Variants in EFCAB8 observed in about 807,000 individuals in gnomAD.
EFCAB8 encodes the protein EF-hand calcium binding domain 8, also known as EF-hand calcium-binding domain-containing protein 8.
Under a neutral mutation model 116.3 loss-of-function variants are expected in EFCAB8, and 100 were observed. That is an observed-to-expected ratio of 0.86 (90% CI 0.73 to 1.02). The LOEUF is 1.02. Ranked by LOEUF, EFCAB8 falls within the 50% of genes least tolerant of loss-of-function variation. EFCAB8 has a pLI of 0.00. For synonymous variants in EFCAB8, 558 were observed against 567.9 expected, an observed-to-expected ratio of 0.98 and a Z score of 0.25; for missense variants, 1,320 against 1,416.9, an observed-to-expected ratio of 0.93 and a Z score of 1.10.
intron 23 of EFCAB8, among the ~76,000 whole-genome samples, chr20:32,948,570 AAGAAAGAAAG>A (rs1555871352): frequency 1.3e-5 from 2 of 149,668 alleles, no homozygotes; most frequent in Admixed American, 1.3e-4. Flanking sequence ...GAAAGAAAGA[AAGAAAGAAAG>A]AAAAGAAAGG....
In EFCAB8 at chr20:32,931,326, A is replaced by G; in HGVS notation, c.2780A>G (p.Glu927Gly). 6.5e-7 allele frequency: 1 copy of G among 1,543,716 alleles called. No homozygotes were observed. Among genetic ancestry groups the G allele is most frequent in the Non-Finnish European group, 8.7e-7 (1 of 1,143,352 alleles). Residue 927 changes from glutamate to glycine, a missense_variant, in exon 22 of 27, where the codon GAG (glutamate) becomes GGG (glycine). Coordinates refer to ENST00000400522, the MANE Select transcript of EFCAB8 (RefSeq NM_001143967.2). Reference sequence around the variant, plus strand: ...AACTTCCCACACTACATTCCCTTGGAGGATAAAGAGGTAGGAGGATTACTG... The same window carrying G: ...AACTTCCCACACTACATTCCCTTGGGGGATAAAGAGGTAGGAGGATTACTG... ...GTNFPHYIPLEDKEVVAGHTI... is the reference protein window; with the variant it reads ...GTNFPHYIPLGDKEVVAGHTI...
chr20:32,921,070 C>T (rs1182739530), intron 20 of EFCAB8, among the ~76,000 whole-genome samples: 1 of 152,176 alleles, frequency 6.6e-6, no homozygotes, highest in African/African-American at 2.4e-5. Context: ...CTGGCCTGCC[C>T]CATCACCCAG....
intron 11 of EFCAB8, among the ~76,000 whole-genome samples, chr20:32,904,473 T>G (rs561901853): frequency 1.3e-5 from 2 of 149,070 alleles, no homozygotes; most frequent in African/African-American, 5.0e-5. Context: ...TAATTTTTGT[T>G]TTTTTTGTAC....
Position 32,931,235 on chromosome 20 carries a change from G to A in EFCAB8, c.2689G>A (p.Gly897Arg), listed in dbSNP as rs1428303667. 3 of 1,550,990 alleles carry A rather than the reference G, an allele frequency of 1.9e-6. No individual in the cohort carries two copies. Among genetic ancestry groups the A allele is most frequent in the Non-Finnish European group, 2.6e-6 (3 of 1,146,816 alleles). The part of the protein sequence containing the change: ...LIDKQPFQSS[G>R]AKVVSEAHNK... ...TGATAAACAGCCATTCCAATCCAGT[G>A]GGGCCAAGGTTGTCTCTGAAGCACA... Residue 897 changes from glycine (G) to arginine (R), a missense_variant, in exon 22 of 27, where the codon GGG becomes AGG. By Grantham distance (125) the Gly-to-Arg change is moderately radical. Coordinates refer to ENST00000400522, the MANE Select transcript of EFCAB8 (RefSeq NM_001143967.2).
intron 23 of EFCAB8, among the ~76,000 whole-genome samples, chr20:32,951,276 G>T (rs1403262098): frequency 6.6e-6 from 1 of 152,132 alleles, no homozygotes; most frequent in African/African-American, 2.4e-5. Flanking sequence ...AACTAGAAAC[G>T]ATTCAAATGT....
intron 26 of EFCAB8, 113 bp from the exon 27 acceptor site, chr20:32,961,020 CCTT>C: frequency 9.2e-6 from 8 of 872,342 alleles, no homozygotes; most frequent in East Asian, 2.6e-5. Context: ...TGGACACACG[CCTT>C]CTTGGCATGG....
In EFCAB8 at chr20:32,918,353, T is replaced by A. The variant is rs970862698; in HGVS notation, c.2062-9T>A. 4 of 1,551,592 alleles carry A rather than the reference T, an allele frequency of 2.6e-6. No homozygotes were observed. The highest frequency in any genetic ancestry group is 3.5e-6 in the Non-Finnish European group (4 of 1,146,984). On this transcript the variant is annotated splice_polypyrimidine_tract_variant and intron_variant, in intron 18 of 26. Coordinates refer to ENST00000400522, the MANE Select transcript of EFCAB8 (RefSeq NM_001143967.2). ...CAGTGCCTTAGGGGCTGCTTTCTTC[T>A]TGGTACAGGTGCAAGATGTGAACAA...
chr20:32,867,965 T>C (rs1392702992), intron 3 of EFCAB8, among the ~76,000 whole-genome samples: 1 of 151,980 alleles, frequency 6.6e-6, no homozygotes, highest in East Asian at 1.9e-4. Context: ...GCCCCCAGAG[T>C]AGCTGGGACT....
intron 26 of EFCAB8, among the ~76,000 whole-genome samples, chr20:32,960,789 G>A (rs1241017523): frequency 5.3e-5 from 8 of 152,328 alleles, no homozygotes; most frequent in Non-Finnish European, 1.5e-5. Context: ...GCTGGGGAGA[G>A]GCTGGTGTGA....
Position 32,955,035 on chromosome 20 carries a change from A to G in EFCAB8, c.2960-3386A>G, listed in dbSNP as rs150362702. On this transcript the variant is annotated intron_variant, in intron 23 of 26. Coordinates refer to ENST00000400522, the MANE Select transcript of EFCAB8 (RefSeq NM_001143967.2). ...ATCCTCCCCATGAGTAGAGTGGCCA[A>G]TGGGAATTCAAAATACCATTTTACT... is the stretch of plus-strand genomic sequence containing the variant. 5.5e-4 allele frequency among the ~76,000 whole-genome samples: 84 copies of G among 152,200 alleles called. 1 individual carries two copies. The highest frequency in any genetic ancestry group is 3.4e-3 in the Middle Eastern group (1 of 294).
intron 22 of EFCAB8, among the ~76,000 whole-genome samples, chr20:32,935,440 T>A (rs1405239375): frequency 6.6e-6 from 1 of 151,998 alleles, no homozygotes; most frequent in African/African-American, 2.4e-5. Flanking sequence ...CCTCAAGTGA[T>A]CTGCCCGCCT....
At chr20:32,940,996 G>A (rs749925516) in intron 22 of EFCAB8, among the ~76,000 whole-genome samples, 1 of 149,766 alleles carries the variant, frequency 6.7e-6, no homozygotes, top group Non-Finnish European at 1.5e-5. Context: ...GCTCAGGCCT[G>A]TAATCCCAGC....
intron 3 of EFCAB8, among the ~76,000 whole-genome samples, chr20:32,873,540 A>G (rs774209150): frequency 6.6e-5 from 10 of 151,640 alleles, no homozygotes; most frequent in Non-Finnish European, 1.3e-4. Flanking sequence ...CCTTCAGCCA[A>G]AGTTTATATT....
chr20:32,945,703 G>C (rs1295843099), intron 23 of EFCAB8, among the ~76,000 whole-genome samples: 1 of 152,034 alleles, frequency 6.6e-6, no homozygotes, highest in Non-Finnish European at 1.5e-5. Context: ...TGTAAAATCA[G>C]CCACCTCTCC....
chr20:32,943,100 G>A (rs2083541139), intron 22 of EFCAB8, among the ~76,000 whole-genome samples: 1 of 152,104 alleles, frequency 6.6e-6, no homozygotes, highest in Non-Finnish European at 1.5e-5. Context: ...TATTCTCTCA[G>A]TGTAATGTGA....
In EFCAB8 at chr20:32,958,438, G is replaced by A; in HGVS notation, c.2977G>A (p.Val993Met). The A allele has an allele frequency of 2.4e-6, 1 of 416,952 alleles. No individual in the cohort carries two copies. Among genetic ancestry groups the A allele is most frequent in the East Asian group, 3.6e-5 (1 of 28,078 alleles). The allele number at this position is 416,952 out of a possible 1,614,324, so 25.8% of individuals were successfully genotyped here. A position where few individuals can be genotyped will look rare whatever the true frequency, so the allele number is the denominator to read the frequency against. The change falls in exon 24 of 27, where the codon GTG becomes ATG. Residue 993 changes from valine (V) to methionine (M), a missense_variant. Transcript: ENST00000400522. ...GDAIGTFGLS[V>M]WKRLQDACDG... The stretch of plus-strand genomic sequence containing the variant: ...AATCACAGGAACGTTTGGCCTGAGT[G>A]TGTGGAAAAGACTACAGGATGCCTG...
At chr20:32,946,169 G>A (rs1229623877) in intron 23 of EFCAB8, among the ~76,000 whole-genome samples, 1 of 152,234 alleles carries the variant, frequency 6.6e-6, no homozygotes, top group Non-Finnish European at 1.5e-5. Context: ...GTTCTTAGTA[G>A]CCCAGTCTGG....
Position 32,893,310 on chromosome 20 carries a change from G to T in EFCAB8, c.883+12G>T. The stretch of plus-strand genomic sequence containing the variant: ...GGCCTCCAAGTGGGGTAGCTAAGAT[G>T]CTGGGGAAGGGGGCAGAGGCCTGGG... On this transcript the variant is annotated intron_variant, in intron 9 of 26. Coordinates refer to ENST00000400522, the MANE Select transcript of EFCAB8 (RefSeq NM_001143967.2). 6.4e-7 allele frequency: 1 copy of T among 1,551,688 alleles called. No individual in the cohort carries two copies. The highest frequency in any genetic ancestry group is 1.4e-5 in the African/African-American group (1 of 73,148).
At chr20:32,902,780 A>G (rs1345535100) in intron 11 of EFCAB8, among the ~76,000 whole-genome samples, 1 of 152,202 alleles carries the variant, frequency 6.6e-6, no homozygotes, top group Non-Finnish European at 1.5e-5. Flanking sequence ...AGTCAGCCTC[A>G]GCCTCCAAGG....
Sources: gnomAD v4.1 joint callset for allele counts (sites outside exome capture counted in the v4.1 genomes callset) on GRCh38, gnomAD v4.1.1 for gene constraint, MANE v1.5 for transcripts, NCBI Gene and HGNC (gene_info 2026-07-23, HGNC 2026-07-21) for gene names.